The following STK32B variants were observed in gnomAD, a reference collection of about 807,000 sequenced individuals.
STK32B encodes the protein serine/threonine kinase 32B, also known as serine/threonine-protein kinase 32B.
Under a neutral mutation model 52.6 loss-of-function variants are expected in STK32B, and 43 were observed. The ratio of observed to expected loss-of-function variants is 0.82; its 90% CI spans 0.64 to 1.05. STK32B has a LOEUF of 1.05. STK32B is among the 50% of genes least tolerant of loss of function. The probability of loss-of-function intolerance (pLI) is 0.00; values close to 1 mark genes in which losing one functional copy is unlikely to be tolerated. For missense variants in STK32B, 621 were observed against 534.6 expected, an observed-to-expected ratio of 1.16 and a Z score of -1.59; for synonymous variants, 238 against 204.3, an observed-to-expected ratio of 1.17 and a Z score of -1.41.
intron 3 of STK32B, among the ~76,000 whole-genome samples, chr4:5,288,506 A>G (rs1728688464): frequency 6.6e-6 from 1 of 152,038 alleles, no homozygotes; most frequent in African/African-American, 2.4e-5. Flanking sequence ...ACATCTTTTC[A>G]TGGGTTTTTT....
intron 3 of STK32B, among the ~76,000 whole-genome samples, chr4:5,203,319 C>G (rs1722301710): frequency 6.6e-6 from 1 of 152,104 alleles, no homozygotes; most frequent in Non-Finnish European, 1.5e-5. Flanking sequence ...TTCATTCATT[C>G]ATCTTCTCAT....
rs545036517 is a variant in STK32B at position 5,378,635 on chromosome 4, G to A, written c.435-19572G>A. Among the ~76,000 whole-genome samples, 1 of 152,214 alleles carries A rather than the reference G, an allele frequency of 6.6e-6. No individual in the cohort carries two copies. The highest frequency in any genetic ancestry group is 2.1e-4 in the South Asian group (1 of 4,824). ...TAATTTTTATGGGTACATAGTAGGT[G>A]TGTATATGTATGGGGTACATGAGAT... On this transcript the variant is annotated intron_variant, in intron 4 of 11. Transcript: ENST00000282908. The surrounding 1 kb of genome is among the most constrained non-coding windows in gnomAD (Gnocchi z 4.4).
intron 6 of STK32B, among the ~76,000 whole-genome samples, chr4:5,445,613 C>G (rs1455421260): frequency 1.3e-5 from 2 of 152,152 alleles, no homozygotes; most frequent in African/African-American, 4.8e-5. Flanking sequence ...AATAAGGGTC[C>G]ACCACTCTTG....
At chr4:5,136,629 T>A (rs1367213060) in intron 1 of STK32B, among the ~76,000 whole-genome samples, 1 of 152,088 alleles carries the variant, frequency 6.6e-6, no homozygotes, top group Non-Finnish European at 1.5e-5. Flanking sequence ...AAGAAACCAC[T>A]CTTCAACCCT....
rs2109049347 is a variant in STK32B at position 5,400,934 on chromosome 4, G to A, written c.472+2690G>A. On this transcript the variant is annotated intron_variant, in intron 5 of 11. Transcript: ENST00000282908. The surrounding 1 kb of genome is among the most constrained non-coding windows in gnomAD (Gnocchi z 6.1). ...GGGGAGAGTGTGGGGAAGCTCAGGA[G>A]AGGTCGGGCAGAGGGGAGAGGGAAA... Among the ~76,000 whole-genome samples the A allele has an allele frequency of 6.7e-6, 1 of 149,748 alleles. No homozygotes were observed. Among genetic ancestry groups the A allele is most frequent in the Non-Finnish European group, 1.5e-5 (1 of 67,820 alleles).
intron 11 of STK32B, among the ~76,000 whole-genome samples, chr4:5,488,016 C>G (rs754282811): frequency 6.6e-6 from 1 of 152,090 alleles, no homozygotes; most frequent in Admixed American, 6.6e-5. Context: ...AATTTAGGAC[C>G]TAGGCTGGTC....
intron 3 of STK32B, among the ~76,000 whole-genome samples, chr4:5,248,006 G>A (rs1725587157): frequency 6.6e-6 from 1 of 152,128 alleles, no homozygotes. Flanking sequence ...GTTAGCTTCA[G>A]CTTACCACTC....
chr4:5,472,314 G>C (rs570409555), intron 11 of STK32B, among the ~76,000 whole-genome samples: 1 of 152,238 alleles, frequency 6.6e-6, no homozygotes, highest in African/African-American at 2.4e-5. Flanking sequence ...GACAGGAGGA[G>C]GTGCCCTGGG....
intron 5 of STK32B, among the ~76,000 whole-genome samples, chr4:5,401,314 T>G (rs1737279063): frequency 6.6e-6 from 1 of 152,162 alleles, no homozygotes; most frequent in African/African-American, 2.4e-5. Flanking sequence ...AACCAATAAC[T>G]GTGTATTGCT....
intron 3 of STK32B, among the ~76,000 whole-genome samples, chr4:5,317,180 A>AT (rs1338921988): frequency 1.0e-4 from 5 of 49,566 alleles, no homozygotes; most frequent in East Asian, 7.5e-4. Context: ...AACATATAAT[A>AT]TATATATATA....
chr4:5,254,857 C>T (rs375637127), intron 3 of STK32B, among the ~76,000 whole-genome samples: 1 of 152,004 alleles, frequency 6.6e-6, no homozygotes, highest in Admixed American at 6.5e-5. Flanking sequence ...GGATGAGACT[C>T]ATGAAATAAA....
At chr4:5,282,837 A>G (rs545682101) in intron 3 of STK32B, among the ~76,000 whole-genome samples, 12 of 152,290 alleles carry the variant, frequency 7.9e-5, no homozygotes, top group African/African-American at 2.4e-4. Context: ...TACTCAGAAC[A>G]GCACTCAATT....
intron 3 of STK32B, among the ~76,000 whole-genome samples, chr4:5,193,922 C>A (rs1721434647): frequency 6.6e-6 from 1 of 152,202 alleles, no homozygotes; most frequent in Non-Finnish European, 1.5e-5. Context: ...AGCAGATATC[C>A]TTTCCCTACT....
At chr4:5,364,829 T>C (rs1433453625) in intron 4 of STK32B, among the ~76,000 whole-genome samples, 1 of 152,184 alleles carries the variant, frequency 6.6e-6, no homozygotes, top group Non-Finnish European at 1.5e-5. Context: ...AGCCTGAATG[T>C]CTCACTTCTA....
At chr4:5,092,592 G>A (rs1270156510) in intron 1 of STK32B, among the ~76,000 whole-genome samples, 1 of 152,002 alleles carries the variant, frequency 6.6e-6, no homozygotes, top group Non-Finnish European at 1.5e-5. Flanking sequence ...AAAGACAACA[G>A]GTTTAATTGG....
chr4:5,359,418 C>T (rs1227033777), intron 4 of STK32B, among the ~76,000 whole-genome samples: 2 of 147,250 alleles, frequency 1.4e-5, no homozygotes, highest in East Asian at 4.1e-4. Flanking sequence ...CCTCCATCCA[C>T]CTGTGCACTC....
At chr4:5,154,256 C>A (rs991470528) in intron 2 of STK32B, among the ~76,000 whole-genome samples, 1 of 144,742 alleles carries the variant, frequency 6.9e-6, no homozygotes, top group African/African-American at 2.6e-5. Context: ...GCTCTTGTTG[C>A]CCAGGCTGGA....
At chr4:5,333,101 C>T (rs1421755189) in intron 4 of STK32B, among the ~76,000 whole-genome samples, 1 of 151,868 alleles carries the variant, frequency 6.6e-6, no homozygotes, top group East Asian at 1.9e-4. Context: ...AACTAGTTTA[C>T]AGTCCCACCA....
intron 3 of STK32B, among the ~76,000 whole-genome samples, chr4:5,298,404 T>G (rs1175555562): frequency 1.3e-5 from 2 of 152,148 alleles, no homozygotes; most frequent in African/African-American, 2.4e-5. Context: ...TTCCCCCTGG[T>G]GCTCTGTCCC....
Sources: gnomAD v4.1 joint callset for allele counts (sites outside exome capture counted in the v4.1 genomes callset) on GRCh38, gnomAD v4.1.1 for gene constraint, Gnocchi (gnomAD v3.1) non-coding constraint, MANE v1.5 for transcripts, NCBI Gene and HGNC (gene_info 2026-07-23, HGNC 2026-07-21) for gene names.